Variants in NF1 observed in about 807,000 individuals in gnomAD.
The protein encoded by NF1 is neurofibromin 1.
In NF1, 122 loss-of-function variants were observed where a neutral mutation model predicts 325.7. That is an observed-to-expected ratio of 0.37 (90% CI 0.32 to 0.44). The LOEUF (loss-of-function observed/expected upper bound fraction) is 0.44, where lower values mean the gene tolerates loss of function less well. NF1 is among the 20% of genes least tolerant of loss of function. The probability of loss-of-function intolerance (pLI) is 1.00; values close to 1 mark genes in which losing one functional copy is unlikely to be tolerated. For synonymous variants in NF1, 1,091 were observed against 1,186.0 expected (o/e 0.92, Z 1.65); for missense variants, 2,140 against 3,415.4 (o/e 0.63, Z 9.31).
chr17:31,351,325 C>T (rs2070137031), intron 50 of NF1, among the ~76,000 whole-genome samples: 1 of 152,118 alleles, frequency 6.6e-6, no homozygotes, highest in Admixed American at 6.5e-5. Flanking sequence ...TAAGTATTCT[C>T]ACCACAAAAG....
chr17:31,225,669 A>G (rs1413031445), intron 17 of NF1, among the ~76,000 whole-genome samples: 1 of 151,620 alleles, frequency 6.6e-6, no homozygotes, highest in Non-Finnish European at 1.5e-5. Context: ...TGTTAAAGAT[A>G]AGTGTTTCTG....
intron 16 of NF1, among the ~76,000 whole-genome samples, chr17:31,224,378 C>T (rs1365100626): frequency 6.6e-6 from 1 of 152,084 alleles, no homozygotes; most frequent in Non-Finnish European, 1.5e-5. Flanking sequence ...CTGTGAAAGA[C>T]CTTAAATGTA....
At position 31,159,094 on chromosome 17, in the gene NF1, G is replaced by T. The variant is rs1567816131; in HGVS notation, c.288+1G>T. 2 of 1,596,204 alleles carry T rather than the reference G, an allele frequency of 1.3e-6. No homozygotes were observed. Among genetic ancestry groups the T allele is most frequent in the Non-Finnish European group, 8.6e-7 (1 of 1,164,026 alleles). On this transcript the variant is annotated splice_donor_variant, in intron 3 of 57. Coordinates refer to ENST00000358273, the MANE Select transcript of NF1 (RefSeq NM_001042492.3). LOFTEE classifies it high-confidence loss of function. ...TACACTGGAAAAATGTCTTGCTGGG[G>T]TAAGTAAATTGATCTTAAGTAGGCA...
At chr17:31,158,514 T>G (rs2065707513) in intron 2 of NF1, among the ~76,000 whole-genome samples, 1 of 152,196 alleles carries the variant, frequency 6.6e-6, no homozygotes, top group South Asian at 2.1e-4. Flanking sequence ...ATTGTTATAT[T>G]GGCGTTCATT....
chr17:31,225,954 T>TA (rs2067004818), intron 17 of NF1, among the ~76,000 whole-genome samples: 1 of 152,170 alleles, frequency 6.6e-6, no homozygotes, highest in Admixed American at 6.5e-5. Flanking sequence ...ACAGCAATAT[T>TA]TAGTTCTTGT....
intron 36 of NF1, among the ~76,000 whole-genome samples, chr17:31,276,717 T>C (rs770327313): frequency 2.0e-5 from 3 of 152,178 alleles, no homozygotes; most frequent in Non-Finnish European, 4.4e-5. Flanking sequence ...AGAATAGTAC[T>C]TAGCATATTC....
chr17:31,205,018 C>T (rs1313127966), intron 11 of NF1, among the ~76,000 whole-genome samples: 1 of 151,986 alleles, frequency 6.6e-6, no homozygotes, highest in African/African-American at 2.4e-5. Flanking sequence ...CATACTGTCC[C>T]AAAAAAGCAT....
chr17:31,116,913 G>A (rs1303502949), intron 1 of NF1, among the ~76,000 whole-genome samples: 1 of 151,328 alleles, frequency 6.6e-6, no homozygotes, highest in African/African-American at 2.4e-5. Context: ...TCCTGACCTC[G>A]TGATTCACCT....
chr17:31,245,197 A>G (rs1373498120), intron 29 of NF1, among the ~76,000 whole-genome samples: 2 of 152,178 alleles, frequency 1.3e-5, no homozygotes, highest in Non-Finnish European at 2.9e-5. Context: ...GAAATTGTTA[A>G]TCTCATTCAT....
At chr17:31,305,160 T>A in intron 36 of NF1, 1 of 1,614,172 alleles carries the variant, frequency 6.2e-7, no homozygotes, top group Non-Finnish European at 8.5e-7. Context: ...GGACAGATGA[T>A]GATTGTTGAG....
intron 36 of NF1, chr17:31,296,146 C>A: frequency 6.2e-7 from 1 of 1,610,710 alleles, no homozygotes; most frequent in Non-Finnish European, 8.5e-7. Flanking sequence ...GGTTATAAGA[C>A]AGGTTTAAAT....
intron 33 of NF1, among the ~76,000 whole-genome samples, chr17:31,260,060 G>A (rs929212149): frequency 6.6e-6 from 1 of 152,128 alleles, no homozygotes; most frequent in African/African-American, 2.4e-5. Context: ...TCTTTGGGGA[G>A]GTCTTTCGTC....
chr17:31,297,738 A>G (rs1431285761), intron 36 of NF1, among the ~76,000 whole-genome samples: 1 of 152,030 alleles, frequency 6.6e-6, no homozygotes, highest in African/African-American at 2.4e-5. Flanking sequence ...TATGACTTTT[A>G]TGTCTTCCCC....
chr17:31,204,385 A>G (rs1435390494), intron 11 of NF1, among the ~76,000 whole-genome samples: 1 of 152,090 alleles, frequency 6.6e-6, no homozygotes, highest in Non-Finnish European at 1.5e-5. Flanking sequence ...ATTTGTTCAT[A>G]TTATGTAAGT....
At chr17:31,298,712 C>T (rs919367755) in intron 36 of NF1, among the ~76,000 whole-genome samples, 1 of 151,958 alleles carries the variant, frequency 6.6e-6, no homozygotes, top group Non-Finnish European at 1.5e-5. Context: ...AGGAAACCAG[C>T]CATCAATCAT....
chr17:31,195,363 G>A lies in NF1; in HGVS notation c.889-5059G>A, dbSNP rs182386206. Among the ~76,000 whole-genome samples the A allele has an allele frequency of 3.4e-3, 516 of 152,036 alleles. 1 individual carries two copies. Among genetic ancestry groups the A allele is most frequent in the Non-Finnish European group, 5.2e-3 (353 of 67,916 alleles). On this transcript the variant is annotated intron_variant, in intron 8 of 57. Transcript: ENST00000358273. ...CCTTATGGATCTGTGTAGTTTTTCT[G>A]TCTCTTTAAAATTTTGTATGCGGTA...
chr17:31,266,353 C>CTT (rs1190664954), intron 36 of NF1, among the ~76,000 whole-genome samples: 2 of 152,050 alleles, frequency 1.3e-5, no homozygotes, highest in Non-Finnish European at 2.9e-5. Flanking sequence ...ATTCAGATAG[C>CTT]CTTAAGACCA....
At chr17:31,285,801 A>G (rs1011422649) in intron 36 of NF1, among the ~76,000 whole-genome samples, 3 of 152,170 alleles carry the variant, frequency 2.0e-5, no homozygotes, top group African/African-American at 7.2e-5. Flanking sequence ...CCTGGGTGAC[A>G]GTGAGACCCT....
Position 31,260,388 on chromosome 17 carries a change from T to G in NF1, c.4450T>G (p.Ser1484Ala). Residue 1484 changes from serine (S) to alanine (A), a missense_variant, in exon 34 of 58, where the codon TCT (serine) becomes GCT (alanine). Ser to Ala is a moderately conservative substitution (Grantham distance 99, BLOSUM62 1). This residue lies in a region of NF1 where 336 missense variants were observed against 399.0 expected (regional missense o/e 0.84). Transcript: ENST00000358273. ...AARRFFLDIA[S>A]DCPTSDAVNH... is the part of the protein sequence containing the mutation. Reference sequence around the variant, plus strand: ...TTGAAGGTTTTTCCTTGATATAGCATCTGATTGTCCTACAAGTGATGCAGT... The same window carrying G: ...TTGAAGGTTTTTCCTTGATATAGCAGCTGATTGTCCTACAAGTGATGCAGT... The G allele has an allele frequency of 1.2e-6, 2 of 1,613,976 alleles. No individual in the cohort carries two copies. Among genetic ancestry groups the G allele is most frequent in the South Asian group, 2.2e-5 (2 of 91,088 alleles).
Sources: gnomAD v4.1 joint callset for allele counts (sites outside exome capture counted in the v4.1 genomes callset) on GRCh38, gnomAD v4.1.1 for gene constraint, gnomAD v4.1.1 regional missense constraint, MANE v1.5 for transcripts, NCBI Gene and HGNC (gene_info 2026-07-23, HGNC 2026-07-21) for gene names.